MED13L: variants seen among roughly 807,000 people sequenced by gnomAD.
The protein encoded by MED13L is mediator complex subunit 13L.
In MED13L, 7 loss-of-function variants were observed where a neutral mutation model predicts 220.9. The ratio of observed to expected loss-of-function variants is 0.03; its 90% CI spans 0.02 to 0.06. The LOEUF (loss-of-function observed/expected upper bound fraction) is 0.06. Among genes scored for constraint, MED13L ranks in the 10% least tolerant of loss-of-function variants. MED13L has a pLI of 1.00. For missense variants in MED13L, 1,965 were observed against 2,760.5 expected (o/e 0.71, Z 6.46); for synonymous variants, 1,011 against 1,015.2 (o/e 1.00, Z 0.08).
At chr12:116,108,107 A>AAACAAACC (rs1873744772) in intron 3 of MED13L, among the ~76,000 whole-genome samples, 1 of 151,672 alleles carries the variant, frequency 6.6e-6, no homozygotes, top group Admixed American at 6.6e-5. Flanking sequence ...ACAAACAAAC[A>AAACAAACC]AACAAAAAAA....
intron 2 of MED13L, among the ~76,000 whole-genome samples, chr12:116,171,281 A>G (rs1879666040): frequency 6.6e-6 from 1 of 152,198 alleles, no homozygotes; most frequent in Admixed American, 6.5e-5. Context: ...GAACAGCCAC[A>G]TGGCTTTTTC....
chr12:116,271,064 A>AAAAAAG (rs1318089075), intron 1 of MED13L, among the ~76,000 whole-genome samples: 9 of 150,500 alleles, frequency 6.0e-5, no homozygotes, highest in African/African-American at 2.2e-4. Flanking sequence ...AAAAAAAAAA[A>AAAAAAG]AAAGAAAGAA....
chr12:116,209,212 G>C (rs1882540533), intron 2 of MED13L, among the ~76,000 whole-genome samples: 1 of 152,058 alleles, frequency 6.6e-6, no homozygotes, highest in African/African-American at 2.4e-5. Context: ...CAACAGTTTA[G>C]GTACCACTAC....
intron 9 of MED13L, among the ~76,000 whole-genome samples, chr12:116,009,861 C>T (rs1879285470): frequency 6.6e-6 from 1 of 152,162 alleles, no homozygotes; most frequent in South Asian, 2.1e-4. Context: ...TGAAAAATGG[C>T]TCAGTAAGAG....
intron 4 of MED13L, among the ~76,000 whole-genome samples, chr12:116,068,838 C>A (rs1054278001): frequency 5.7e-5 from 8 of 139,890 alleles, no homozygotes; most frequent in East Asian, 2.1e-4. Flanking sequence ...ACTGGCATCA[C>A]CCTTAACATT....
At chr12:116,218,213 T>C (rs927371284) in intron 2 of MED13L, among the ~76,000 whole-genome samples, 3 of 152,220 alleles carry the variant, frequency 2.0e-5, no homozygotes, top group African/African-American at 7.2e-5. Context: ...TAATACTTTC[T>C]GCAAAAGCCA....
intron 9 of MED13L, among the ~76,000 whole-genome samples, chr12:116,009,503 C>T (rs1879263695): frequency 6.6e-6 from 1 of 152,094 alleles, no homozygotes; most frequent in Non-Finnish European, 1.5e-5. Flanking sequence ...AACAACAAAG[C>T]TTCCAATTTC....
chr12:116,190,928 C>T (rs547617348), intron 2 of MED13L, among the ~76,000 whole-genome samples: 104 of 151,918 alleles, frequency 6.8e-4, no homozygotes, highest in Non-Finnish European at 9.3e-4. Flanking sequence ...CCCATCTCTA[C>T]TAAAAATACA....
At chr12:116,111,630 A>G in intron 2 of MED13L, 118 bp from the exon 3 acceptor site, 1 of 742,772 alleles carries the variant, frequency 1.3e-6, no homozygotes, top group Non-Finnish European at 2.2e-6. Flanking sequence ...AATGACTTAA[A>G]TAATCTCACG....
chr12:116,247,826 A>G (rs1042585713), intron 1 of MED13L, among the ~76,000 whole-genome samples: 2 of 152,234 alleles, frequency 1.3e-5, no homozygotes, highest in Non-Finnish European at 2.9e-5. Context: ...TTTATAGCGT[A>G]AGTATAAGGG....
intron 16 of MED13L, among the ~76,000 whole-genome samples, chr12:115,995,212 C>G (rs1053822215): frequency 7.9e-5 from 12 of 152,092 alleles, no homozygotes; most frequent in Non-Finnish European, 1.8e-4. Flanking sequence ...GAGGCTGGAC[C>G]ACAAATTTGT....
In MED13L at chr12:116,009,185, C is replaced by CT. The variant is rs1879240465; in HGVS notation, c.1281-54dup. 1.9e-6 allele frequency: 3 copies of CT among 1,604,292 alleles called. No homozygotes were observed. In the African/African-American group the frequency reaches 4.0e-5, roughly 22 times the overall value. On this transcript the variant is annotated intron_variant, in intron 9 of 30. Coordinates refer to ENST00000281928, the MANE Select transcript of MED13L (RefSeq NM_015335.5). ...TTATAACATTAAGAAAAGAGATTCT[C>CT]TGACAAAATTTTGCCTTTTAAAGCA...
intron 2 of MED13L, among the ~76,000 whole-genome samples, chr12:116,220,499 G>C (rs1671866634): frequency 6.6e-6 from 1 of 152,136 alleles, no homozygotes; most frequent in African/African-American, 2.4e-5. Flanking sequence ...AGAAGTTCAA[G>C]ACCAGCCTGG....
chr12:116,024,568 T>C, intron 4 of MED13L, among the ~76,000 whole-genome samples: 1 of 152,150 alleles, frequency 6.6e-6, no homozygotes, highest in East Asian at 1.9e-4. Context: ...TTTCTCCTAT[T>C]CTGTGGGTTA....
chr12:115,973,528 G>A (rs918814539), intron 25 of MED13L, among the ~76,000 whole-genome samples: 9 of 152,154 alleles, frequency 5.9e-5, no homozygotes, highest in Non-Finnish European at 1.2e-4. Context: ...ATCATACAAA[G>A]GAAGGAGATG....
chr12:116,042,515 G>C (rs1170171902), intron 4 of MED13L, among the ~76,000 whole-genome samples: 1 of 152,226 alleles, frequency 6.6e-6, no homozygotes, highest in Non-Finnish European at 1.5e-5. Context: ...GATGTGGTGA[G>C]ACAAGGTAGA....
chr12:116,072,800 TA>T (rs933465024), intron 4 of MED13L, among the ~76,000 whole-genome samples: 1 of 152,214 alleles, frequency 6.6e-6, no homozygotes, highest in Non-Finnish European at 1.5e-5. Flanking sequence ...CTTAGTGAAT[TA>T]AATACTGTAG....
intron 2 of MED13L, among the ~76,000 whole-genome samples, chr12:116,213,472 C>T (rs1404232912): frequency 6.6e-6 from 1 of 152,170 alleles, no homozygotes; most frequent in Non-Finnish European, 1.5e-5. Flanking sequence ...AGTGCAATGG[C>T]GCAATCTCAG....
intron 3 of MED13L, among the ~76,000 whole-genome samples, chr12:116,104,450 A>T (rs1222449150): frequency 6.6e-6 from 1 of 152,240 alleles, no homozygotes; most frequent in Non-Finnish European, 1.5e-5. Context: ...TTCACTGTAT[A>T]TTCCAAGTAA....
Sources: allele counts gnomAD v4.1 joint callset (sites outside exome capture counted in the v4.1 genomes callset), GRCh38; gene constraint gnomAD v4.1.1; transcripts MANE v1.5; gene names NCBI Gene and HGNC (gene_info 2026-07-23, HGNC 2026-07-21).